The following ATP10B variants were observed in gnomAD, a reference collection of about 807,000 sequenced individuals.
The protein encoded by ATP10B is ATPase phospholipid transporting 10B (putative), also known as phospholipid-transporting ATPase VB.
Under a neutral mutation model 141.2 loss-of-function variants are expected in ATP10B, and 122 were observed. The observed-to-expected ratio is 0.86, with a 90% confidence interval of 0.75 to 1.00. The LOEUF is 1.00. Among genes scored for constraint, ATP10B ranks in the 50% least tolerant of loss-of-function variants. ATP10B has a pLI of 0.00. For synonymous variants in ATP10B, 685 were observed against 692.0 expected (o/e 0.99, Z 0.16); for missense variants, 1,876 against 1,825.3 (o/e 1.03, Z -0.51).
intron 3 of ATP10B, among the ~76,000 whole-genome samples, chr5:160,693,411 C>CACAG (rs1425694966): frequency 8.3e-6 from 1 of 120,242 alleles, no homozygotes; most frequent in Non-Finnish European, 1.9e-5. Context: ...AAAACACACA[C>CACAG]ACACACACAC....
chr5:160,660,105 T>C (rs961310344), intron 7 of ATP10B, among the ~76,000 whole-genome samples: 3 of 152,182 alleles, frequency 2.0e-5, no homozygotes, highest in African/African-American at 7.2e-5. Context: ...ATTACGTATT[T>C]AATGTGGATG....
intron 1 of ATP10B, among the ~76,000 whole-genome samples, chr5:160,816,365 T>C (rs1023451149): frequency 6.6e-6 from 1 of 152,034 alleles, no homozygotes; most frequent in Non-Finnish European, 1.5e-5. Flanking sequence ...CAGAGAATAC[T>C]AGAAACACCC....
At chr5:160,820,351 T>C (rs1362954863) in intron 1 of ATP10B, among the ~76,000 whole-genome samples, 1 of 151,878 alleles carries the variant, frequency 6.6e-6, no homozygotes, top group African/African-American at 2.4e-5. Flanking sequence ...CTGAACGGAC[T>C]AGTAACAAGT....
chr5:160,687,687 C>A, intron 5 of ATP10B, 113 bp downstream of exon 5: 6 of 1,246,648 alleles, frequency 4.8e-6, no homozygotes, highest in Admixed American at 2.3e-5. Flanking sequence ...TTCCCTTGAA[C>A]CCAGGAGGTG....
intron 2 of ATP10B, among the ~76,000 whole-genome samples, chr5:160,739,655 G>A (rs986321349): frequency 2.0e-5 from 3 of 152,188 alleles, no homozygotes; most frequent in African/African-American, 7.2e-5. Flanking sequence ...CAGAGACCGT[G>A]CCCTGGAGGG....
Position 160,632,673 on chromosome 5 carries a change from A to G in ATP10B, c.1382-306T>C, listed in dbSNP as rs1420759559. 6.6e-5 allele frequency: 15 copies of G among 228,604 alleles called. No homozygotes were observed. In the South Asian group the frequency reaches 1.1e-3, roughly 16 times the overall value. 14.2% of individuals were successfully genotyped at this position (228,604 alleles called of 1,614,324 possible). ...TCTAACTCATAGGGATGTTTTGAAG[A>G]TTTAATGATACAATGTGTTAAAATA... On this transcript the variant is annotated intron_variant, in intron 12 of 25. Transcript: ENST00000327245.
chr5:160,731,030 CCTTTTCT>C (rs1766704979), intron 2 of ATP10B, among the ~76,000 whole-genome samples: 1 of 152,142 alleles, frequency 6.6e-6, no homozygotes, highest in South Asian at 2.1e-4. Context: ...CTTCCTACCC[CCTTTTCT>C]CTAGTTAGAT....
chr5:160,813,284 C>T (rs562011628), intron 1 of ATP10B, among the ~76,000 whole-genome samples: 224 of 152,358 alleles, frequency 1.5e-3, no homozygotes, highest in African/African-American at 5.3e-3. Context: ...CACTCCCAAC[C>T]TAATACTGCG....
At chr5:160,852,886 T>C (rs891329841), upstream of ATP10B, among the ~76,000 whole-genome samples, 96 of 139,474 alleles carry the variant, frequency 6.9e-4, 1 homozygote, top group Admixed American at 7.2e-3. Context: ...GAATGAGCAG[T>C]AAGTTGATTT....
In ATP10B at chr5:160,620,852, G is replaced by C. The variant is rs1001099550; in HGVS notation, c.1911C>G (p.Phe637Leu). 1.2e-6 allele frequency: 2 copies of C among 1,614,230 alleles called. No individual in the cohort carries two copies. The highest frequency in any genetic ancestry group is 2.2e-5 in the South Asian group (2 of 91,086). The change falls in exon 15 of 26, where the codon TTC becomes TTG. Residue 637 changes from phenylalanine to leucine, a missense_variant. Phe to Leu is a conservative substitution (Grantham distance 22, BLOSUM62 0). Transcript: ENST00000327245. ...CTGTGTCAGAGGGTGCAGTGGATGAGAATGACTGGCTGAGGCTCAATAGCT... is the reference window on the plus strand; with the variant it reads ...CTGTGTCAGAGGGTGCAGTGGATGACAATGACTGGCTGAGGCTCAATAGCT... ...KLKLLSLSQSFSSTAPSDTDL... is the reference protein window; with the variant it reads ...KLKLLSLSQSLSSTAPSDTDL...
chr5:160,694,645 T>C (rs753197663), intron 3 of ATP10B, among the ~76,000 whole-genome samples: 2 of 152,228 alleles, frequency 1.3e-5, no homozygotes, highest in Non-Finnish European at 1.5e-5. Context: ...TTCATTTTAA[T>C]GAGCCCAAAT....
chr5:160,716,094 T>C (rs1257654645), intron 3 of ATP10B, among the ~76,000 whole-genome samples: 1 of 152,152 alleles, frequency 6.6e-6, no homozygotes, highest in Non-Finnish European at 1.5e-5. Flanking sequence ...CTTGAAGCAA[T>C]TTGCACACGT....
intron 1 of ATP10B, among the ~76,000 whole-genome samples, chr5:160,836,203 T>C (rs1775418007): frequency 6.6e-6 from 1 of 152,038 alleles, no homozygotes; most frequent in African/African-American, 2.4e-5. Flanking sequence ...ATGAAATATA[T>C]CCATATAACA....
chr5:160,596,762 G>C (rs1420795126), intron 22 of ATP10B, among the ~76,000 whole-genome samples: 1 of 152,100 alleles, frequency 6.6e-6, no homozygotes, highest in Non-Finnish European at 1.5e-5. Flanking sequence ...GACAAACAGA[G>C]AGCCAAATCG....
chr5:160,823,394 G>A (rs915743482), intron 1 of ATP10B, among the ~76,000 whole-genome samples: 9 of 151,934 alleles, frequency 5.9e-5, no homozygotes, highest in East Asian at 3.9e-4. Flanking sequence ...CAGGGAGTGG[G>A]GTGGGGTGAG....
intron 2 of ATP10B, among the ~76,000 whole-genome samples, chr5:160,785,107 A>G (rs11135120): frequency 0.28 from 41,899 of 151,924 alleles, 6,113 homozygotes; most frequent in African/African-American, 0.36. Flanking sequence ...GAAAGAGACA[A>G]CCCACTGAAG....
chr5:160,645,147 G>A (rs921136112), intron 8 of ATP10B, among the ~76,000 whole-genome samples: 1 of 148,332 alleles, frequency 6.7e-6, no homozygotes, highest in Non-Finnish European at 1.5e-5. Context: ...GCAAGGGGCT[G>A]TTCTGCTATG....
chr5:160,863,185 G>A, the ATP10B span, among the ~76,000 whole-genome samples: 4 of 151,894 alleles, frequency 2.6e-5, no homozygotes, highest in African/African-American at 9.7e-5. Context: ...GCTCCCACTC[G>A]TTAGTGAGTT....
chr5:160,871,196 A>G, the ATP10B span, among the ~76,000 whole-genome samples: 1 of 152,162 alleles, frequency 6.6e-6, no homozygotes, highest in Non-Finnish European at 1.5e-5. Flanking sequence ...CAGTTTGCTC[A>G]AAATAAAAAT....
Sources: allele counts gnomAD v4.1 joint callset (sites outside exome capture counted in the v4.1 genomes callset), GRCh38; gene constraint gnomAD v4.1.1; transcripts MANE v1.5; gene names NCBI Gene and HGNC (gene_info 2026-07-23, HGNC 2026-07-21).